CNTNAP2: variants seen among roughly 807,000 people sequenced by gnomAD.
CNTNAP2 encodes the protein contactin associated protein 2.
In CNTNAP2, 98 loss-of-function variants were observed where a neutral mutation model predicts 155.2. That is an observed-to-expected ratio of 0.63 (90% confidence interval 0.54 to 0.75). The LOEUF (loss-of-function observed/expected upper bound fraction) is 0.75, where lower values mean the gene tolerates loss of function less well. CNTNAP2 is among the 30% of genes least tolerant of loss of function. CNTNAP2 has a pLI of 0.00. For synonymous variants in CNTNAP2, 651 were observed against 631.2 expected (o/e 1.03, Z -0.47); for missense variants, 1,727 against 1,688.1 (o/e 1.02, Z -0.40).
At chr7:148,007,220 A>G (rs1456540847) in intron 15 of CNTNAP2, among the ~76,000 whole-genome samples, 4 of 152,156 alleles carry the variant, frequency 2.6e-5, no homozygotes, top group Non-Finnish European at 5.9e-5. Flanking sequence ...AGACATCTAC[A>G]TGCTATCAAC....
At chr7:146,855,258 A>G (rs2129203898) in intron 3 of CNTNAP2, among the ~76,000 whole-genome samples, 1 of 152,270 alleles carries the variant, frequency 6.6e-6, no homozygotes, top group East Asian at 1.9e-4. Context: ...AACAATAGCT[A>G]TAGAGGGGGA....
chr7:146,654,855 A>G (rs1489314717), intron 1 of CNTNAP2, among the ~76,000 whole-genome samples: 2 of 152,168 alleles, frequency 1.3e-5, no homozygotes, highest in African/African-American at 4.8e-5. Flanking sequence ...AGATCATATT[A>G]TTAGCAGCTT....
intron 3 of CNTNAP2, among the ~76,000 whole-genome samples, chr7:146,912,411 AT>A (rs1233010696): frequency 6.6e-6 from 1 of 152,020 alleles, no homozygotes; most frequent in African/African-American, 2.4e-5. Context: ...GGAAAATTAC[AT>A]TTTTTATCCA....
At chr7:147,041,028 C>A (rs966757535) in intron 3 of CNTNAP2, among the ~76,000 whole-genome samples, 1 of 152,070 alleles carries the variant, frequency 6.6e-6, no homozygotes, top group Non-Finnish European at 1.5e-5. Context: ...TTGGTGTTGA[C>A]CTTCAATTAC....
chr7:148,018,745 C>T (rs1802226284), intron 15 of CNTNAP2, among the ~76,000 whole-genome samples: 1 of 152,212 alleles, frequency 6.6e-6, no homozygotes, highest in Admixed American at 6.5e-5. Flanking sequence ...GAAGGAGTCC[C>T]ATGCTCTCAT....
At chr7:146,990,802 C>A (rs532140686) in intron 3 of CNTNAP2, among the ~76,000 whole-genome samples, 1 of 152,076 alleles carries the variant, frequency 6.6e-6, no homozygotes, top group Admixed American at 6.6e-5. Flanking sequence ...ATAAGAAAAG[C>A]TCATTGACTC....
At chr7:147,766,119 G>T (rs913434832) in intron 13 of CNTNAP2, among the ~76,000 whole-genome samples, 2 of 152,104 alleles carry the variant, frequency 1.3e-5, no homozygotes, top group Non-Finnish European at 2.9e-5. Flanking sequence ...TGGGGTTGAT[G>T]GCAATATTAA....
At chr7:147,918,557 C>T (rs1292227316) in intron 14 of CNTNAP2, among the ~76,000 whole-genome samples, 4 of 152,174 alleles carry the variant, frequency 2.6e-5, no homozygotes, top group Non-Finnish European at 5.9e-5. Flanking sequence ...GCACATCCTA[C>T]ATTACTAAAT....
Position 146,848,667 on chromosome 7 carries a change from C to T in CNTNAP2, c.402+8763C>T, listed in dbSNP as rs1794808950. On this transcript the variant is annotated intron_variant, in intron 3 of 23. Coordinates refer to ENST00000361727, the MANE Select transcript of CNTNAP2 (RefSeq NM_014141.6). ...CAGAGAAGAGGGGCAGGAAGTCATT[C>T]CAAGCAGATGAATCTTCTGCTGAAA... Among the ~76,000 whole-genome samples, 3 of 151,992 alleles carry T rather than the reference C, an allele frequency of 2.0e-5. No homozygotes were observed. The South Asian group carries it at 6.2e-4, about 32-fold the overall frequency.
intron 3 of CNTNAP2, among the ~76,000 whole-genome samples, chr7:147,019,737 C>G (rs1395618814): frequency 6.6e-6 from 1 of 151,964 alleles, no homozygotes; most frequent in African/African-American, 2.4e-5. Flanking sequence ...GAGAATAAAA[C>G]AAGTGTGTGA....
At chr7:147,783,203 T>C (rs1339821999) in intron 13 of CNTNAP2, among the ~76,000 whole-genome samples, 1 of 152,208 alleles carries the variant, frequency 6.6e-6, no homozygotes, top group Non-Finnish European at 1.5e-5. Context: ...TTTAGGTAAG[T>C]TGGGAATTGT....
intron 1 of CNTNAP2, among the ~76,000 whole-genome samples, chr7:146,244,564 T>C (rs980851304): frequency 1.3e-5 from 2 of 152,200 alleles, no homozygotes; most frequent in Non-Finnish European, 2.9e-5. Context: ...TTTAAGTTGG[T>C]GGCTGAGCTT....
intron 3 of CNTNAP2, among the ~76,000 whole-genome samples, chr7:147,012,439 T>C (rs1486436514): frequency 2.0e-5 from 3 of 152,124 alleles, no homozygotes; most frequent in Admixed American, 6.6e-5. Flanking sequence ...TTTAAAATTG[T>C]CTGAAAAAGA....
chr7:146,953,457 A>G (rs1387524951), intron 3 of CNTNAP2, among the ~76,000 whole-genome samples: 1 of 151,998 alleles, frequency 6.6e-6, no homozygotes, highest in Non-Finnish European at 1.5e-5. Context: ...TTTTACATAA[A>G]TTATTGCATT....
intron 1 of CNTNAP2, among the ~76,000 whole-genome samples, chr7:146,595,751 C>T (rs910110221): frequency 6.6e-5 from 10 of 152,036 alleles, no homozygotes; most frequent in African/African-American, 2.4e-4. Context: ...TCCTATAATG[C>T]TGCTTGATGG....
intron 12 of CNTNAP2, among the ~76,000 whole-genome samples, chr7:147,567,658 G>A (rs534247893): frequency 6.6e-6 from 1 of 152,288 alleles, no homozygotes; most frequent in African/African-American, 2.4e-5. Context: ...ATGACATGGA[G>A]CACAGAGGAG....
intron 15 of CNTNAP2, among the ~76,000 whole-genome samples, chr7:148,053,762 A>C (rs917098968): frequency 6.6e-6 from 1 of 152,206 alleles, no homozygotes; most frequent in Non-Finnish European, 1.5e-5. Context: ...TGCTAGGATT[A>C]TAGAACGAAA....
At chr7:147,395,127 A>C (rs1442067619) in intron 9 of CNTNAP2, among the ~76,000 whole-genome samples, 1 of 152,026 alleles carries the variant, frequency 6.6e-6, no homozygotes, top group Non-Finnish European at 1.5e-5. Context: ...TTTATTTCAT[A>C]ATAGTAAGTT....
intron 13 of CNTNAP2, among the ~76,000 whole-genome samples, chr7:147,718,109 C>T (rs1478324679): frequency 3.3e-5 from 5 of 151,966 alleles, no homozygotes; most frequent in East Asian, 1.9e-4. Context: ...TGAATGTTAA[C>T]GTCAGCATGA....
Sources: gnomAD v4.1 joint callset for allele counts (sites outside exome capture counted in the v4.1 genomes callset) on GRCh38, gnomAD v4.1.1 for gene constraint, MANE v1.5 for transcripts, NCBI Gene and HGNC (gene_info 2026-07-23, HGNC 2026-07-21) for gene names.